Variants in LRRC7 observed in about 807,000 individuals in gnomAD.
The protein encoded by LRRC7 is leucine-rich repeat-containing protein 7.
LRRC7 carries 23 observed loss-of-function variants against 175.7 expected under a neutral mutation model. That is an observed-to-expected ratio of 0.13 (90% confidence interval 0.09 to 0.19). LRRC7 has a LOEUF of 0.19. LRRC7 is among the 10% of genes least tolerant of loss of function. The pLI, the probability that LRRC7 is intolerant of heterozygous loss-of-function variation, is 1.00. For missense variants in LRRC7, 1,354 were observed against 1,904.7 expected (o/e 0.71, Z 5.38); for synonymous variants, 685 against 680.9 (o/e 1.01, Z -0.09).
At chr1:70,120,705 T>C (rs550110083) in intron 26 of LRRC7, among the ~76,000 whole-genome samples, 2 of 152,058 alleles carry the variant, frequency 1.3e-5, no homozygotes, top group Admixed American at 1.3e-4. Context: ...CCATTGAAAA[T>C]TGAAGAAGTC....
At chr1:69,747,744 A>C (rs1260373995) in intron 2 of LRRC7, among the ~76,000 whole-genome samples, 1 of 152,130 alleles carries the variant, frequency 6.6e-6, no homozygotes, top group Admixed American at 6.6e-5. Context: ...TATTCAGGAT[A>C]TTGTAAATTG....
chr1:69,577,839 C>T (rs1646019510), intron 1 of LRRC7, among the ~76,000 whole-genome samples: 1 of 152,078 alleles, frequency 6.6e-6, no homozygotes. Flanking sequence ...CTTCTTTTGG[C>T]TTAGGATTGC....
At chr1:70,025,025 C>G (rs981202731) in intron 17 of LRRC7, among the ~76,000 whole-genome samples, 2 of 151,970 alleles carry the variant, frequency 1.3e-5, no homozygotes, top group Non-Finnish European at 2.9e-5. Context: ...ATATGTGCTG[C>G]ACCCACACTC....
chr1:69,600,939 G>A (rs995650093), intron 1 of LRRC7, among the ~76,000 whole-genome samples: 1 of 144,572 alleles, frequency 6.9e-6, no homozygotes, highest in African/African-American at 2.5e-5. Flanking sequence ...AACCTCCTGA[G>A]TAGCTGGAAT....
chr1:69,728,237 T>G (rs1361281212), intron 2 of LRRC7, among the ~76,000 whole-genome samples: 1 of 152,062 alleles, frequency 6.6e-6, no homozygotes, highest in Non-Finnish European at 1.5e-5. Context: ...CCACTCACAC[T>G]CTCCCTATTA....
intron 1 of LRRC7, among the ~76,000 whole-genome samples, chr1:69,659,689 G>A (rs1051778940): frequency 6.6e-6 from 1 of 151,898 alleles, no homozygotes; most frequent in African/African-American, 2.4e-5. Flanking sequence ...AACAGAGAGG[G>A]TTTAAAAAAT....
intron 2 of LRRC7, among the ~76,000 whole-genome samples, chr1:69,707,397 T>A (rs35710092): frequency 6.6e-6 from 1 of 152,210 alleles, no homozygotes; most frequent in Admixed American, 6.5e-5. Context: ...TCTGTCAGCA[T>A]CTGCCCGCAG....
intron 8 of LRRC7, among the ~76,000 whole-genome samples, chr1:69,937,808 C>A (rs115144271): frequency 0.019 from 2,922 of 150,976 alleles, 57 homozygotes; most frequent in Non-Finnish European, 0.029. Context: ...CTTGAAAAAG[C>A]AGTCAATCAG....
chr1:69,681,284 T>C (rs1246366198), intron 2 of LRRC7, among the ~76,000 whole-genome samples: 1 of 152,112 alleles, frequency 6.6e-6, no homozygotes. Flanking sequence ...AAAACTATCA[T>C]AGAAAGTCAA....
chr1:70,042,648 G>A (rs949311679), intron 21 of LRRC7, among the ~76,000 whole-genome samples: 3 of 152,176 alleles, frequency 2.0e-5, no homozygotes, highest in Non-Finnish European at 4.4e-5. Context: ...GAACCCATAT[G>A]TCTGAGACTG....
Position 69,834,769 on chromosome 1 carries a change from C to T in LRRC7, c.501-11C>T. The T allele has an allele frequency of 6.2e-7, 1 of 1,606,068 alleles. No homozygotes were observed. Among genetic ancestry groups the T allele is most frequent in the Non-Finnish European group, 8.5e-7 (1 of 1,173,220 alleles). ...ATCAATGCAGTGACTAAAACTTTAA[C>T]TCCTTTTTAGACTACCTGATGGCTT... is the stretch of plus-strand genomic sequence containing the variant. On this transcript the variant is annotated splice_polypyrimidine_tract_variant and intron_variant, in intron 5 of 26. Transcript: ENST00000651989.
chr1:69,717,940 G>GAAGAA (rs773480443), intron 2 of LRRC7, among the ~76,000 whole-genome samples: 10,140 of 75,694 alleles, frequency 0.13, 853 homozygotes, highest in South Asian at 0.23. Flanking sequence ...AAGAAAGAAA[G>GAAGAA]AAAGAAAGAA....
At chr1:69,773,353 T>C (rs1207480062) in intron 3 of LRRC7, among the ~76,000 whole-genome samples, 3 of 152,124 alleles carry the variant, frequency 2.0e-5, no homozygotes, top group Non-Finnish European at 2.9e-5. Flanking sequence ...CAGATGATGA[T>C]GGTTGGGAGG....
At chr1:69,712,437 C>T (rs1419808028) in intron 2 of LRRC7, among the ~76,000 whole-genome samples, 1 of 152,114 alleles carries the variant, frequency 6.6e-6, no homozygotes, top group African/African-American at 2.4e-5. Context: ...AACCCTATCT[C>T]TACTAAAAAT....
At chr1:69,625,429 T>G (rs1749487) in intron 1 of LRRC7, among the ~76,000 whole-genome samples, 19,187 of 144,852 alleles carry the variant, frequency 0.13, 1,685 homozygotes, top group South Asian at 0.2. Flanking sequence ...AAGTTTGGGT[T>G]TTATTAATTA....
intron 8 of LRRC7, among the ~76,000 whole-genome samples, chr1:69,967,147 G>A (rs114072643): frequency 0.014 from 2,126 of 152,214 alleles, 43 homozygotes; most frequent in African/African-American, 0.047. Flanking sequence ...TGAATTGCGT[G>A]GGAGGTGGGT....
At position 69,663,570 on chromosome 1, in the gene LRRC7, G is replaced by T. The variant is rs528804102; in HGVS notation, c.3-14811G>T. Among the ~76,000 whole-genome samples the T allele has an allele frequency of 2.1e-4, 32 of 151,852 alleles. No homozygotes were observed. The East Asian group carries it at 5.1e-3, about 24-fold the overall frequency. On this transcript the variant is annotated intron_variant, in intron 1 of 26. Transcript: ENST00000651989. ...TGTACTAGCAAATATTTAATACTAG[G>T]TCTTATTTATTCTTTCTAATTTTTG...
intron 1 of LRRC7, chr1:69,608,190 G>T (rs1428796870): frequency 6.6e-6 from 1 of 152,160 alleles, no homozygotes; most frequent in East Asian, 1.9e-4. Flanking sequence ...ATTTAGCATA[G>T]CATATCTACA....
chr1:69,960,634 C>A (rs1650970177), intron 8 of LRRC7, among the ~76,000 whole-genome samples: 1 of 151,530 alleles, frequency 6.6e-6, no homozygotes, highest in South Asian at 2.1e-4. Context: ...CTATAAATTA[C>A]CCTTTTAACA....
Sources: allele counts gnomAD v4.1 joint callset (sites outside exome capture counted in the v4.1 genomes callset), GRCh38; gene constraint gnomAD v4.1.1; transcripts MANE v1.5; gene names NCBI Gene and HGNC (gene_info 2026-07-23, HGNC 2026-07-21).